MAX: variants seen among roughly 807,000 people sequenced by gnomAD.
The protein encoded by MAX is protein max.
A neutral mutation model predicts 22.3 loss-of-function variants in MAX; 3 were observed. The observed-to-expected ratio is 0.13, with a 90% confidence interval of 0.06 to 0.35. MAX has a LOEUF of 0.35. Ranked by LOEUF, MAX falls within the 10% of genes least tolerant of loss-of-function variation. The probability of loss-of-function intolerance (pLI) is 1.00; values close to 1 mark genes in which losing one functional copy is unlikely to be tolerated. For synonymous variants in MAX, 72 were observed against 77.7 expected (o/e 0.93, Z 0.39); for missense variants, 119 against 209.4 (o/e 0.57, Z 2.66).
At chr14:65,066,307 TG>T (rs1002220970) in intron 3 of MAX, among the ~76,000 whole-genome samples, 7 of 152,208 alleles carry the variant, frequency 4.6e-5, no homozygotes, top group African/African-American at 1.7e-4. Context: ...TTCTCCAACC[TG>T]GCCCAGGCAC....
rs374598927 is a variant in MAX at position 65,032,625 on chromosome 14, T to A, written c.172-26341A>T. On this transcript the variant is annotated intron_variant, in intron 3 of 3. Coordinates refer to the MAX transcript ENST00000341653. This position sits in a 1 kb window ranked among gnomAD's most constrained non-coding sequence, Gnocchi z 5.0. ...GTCTTTCCAGAAGCGCATACTGTGC[T>A]GCCTCCGTAGCCTCGCTGACCAACA... The A allele has an allele frequency of 1.2e-6, 2 of 1,613,856 alleles. No homozygotes were observed. Among genetic ancestry groups the A allele is most frequent in the African/African-American group, 1.3e-5 (1 of 74,932 alleles).
chr14:65,027,887 C>A lies in MAX; in HGVS notation c.172-21603G>T. Reference sequence around the variant, plus strand: ...ATCATGGGGAAGCTGCTGCTTTGTCCCAGAATGACACATGGGATGACATGT... The same window carrying A: ...ATCATGGGGAAGCTGCTGCTTTGTCACAGAATGACACATGGGATGACATGT... On this transcript the variant is annotated intron_variant, in intron 3 of 3. Coordinates refer to the MAX transcript ENST00000341653. This position sits in a 1 kb window ranked among gnomAD's most constrained non-coding sequence, Gnocchi z 5.7. The A allele has an allele frequency of 7.0e-7, 1 of 1,433,064 alleles. No homozygotes were observed. The highest frequency in any genetic ancestry group is 9.6e-7 in the Non-Finnish European group (1 of 1,038,974). The allele number at this position is 1,433,064 out of a possible 1,614,324, so 88.8% of individuals were successfully genotyped here.
intron 3 of MAX, among the ~76,000 whole-genome samples, chr14:65,033,633 G>A (rs1292219670): frequency 2.0e-5 from 3 of 152,188 alleles, no homozygotes; most frequent in African/African-American, 4.8e-5. Flanking sequence ...CAGGGCAAGC[G>A]GATCATGAGG....
rs957704929 is a variant in MAX, at chr14:65,078,503, G to A, written c.172-467C>T. Reference sequence around the variant, plus strand: ...ATAGGTCACAGGTGTGAGCCACTGCGCCCAGCCTGTTGTTGTTGTTGTTGT... The same window carrying A: ...ATAGGTCACAGGTGTGAGCCACTGCACCCAGCCTGTTGTTGTTGTTGTTGT... On this transcript the variant is annotated intron_variant, in intron 3 of 4. Coordinates refer to ENST00000358664, the MANE Select transcript of MAX (RefSeq NM_002382.5). The surrounding 1 kb of genome is among the most constrained non-coding windows in gnomAD (Gnocchi z 6.4). Among the ~76,000 whole-genome samples, 1 of 150,164 alleles carries A rather than the reference G, an allele frequency of 6.7e-6. No individual in the cohort carries two copies. The highest frequency in any genetic ancestry group is 2.5e-5 in the African/African-American group (1 of 40,782).
intron 3 of MAX, among the ~76,000 whole-genome samples, chr14:65,026,192 G>T (rs2061977510): frequency 6.6e-6 from 1 of 152,188 alleles, no homozygotes; most frequent in African/African-American, 2.4e-5. Context: ...TCTCCTGGCG[G>T]GAAGGCTGTG....
intron 3 of MAX, among the ~76,000 whole-genome samples, chr14:65,049,053 G>A (rs1167934903): frequency 1.3e-5 from 2 of 151,868 alleles, no homozygotes; most frequent in South Asian, 2.1e-4. Context: ...CTTGAACCCC[G>A]GAGGCGGAGG....
In MAX at chr14:65,065,436, G is replaced by A. The variant is rs1018983919; in HGVS notation, c.171+28272C>T. 2.6e-5 allele frequency among the ~76,000 whole-genome samples: 4 copies of A among 152,136 alleles called. No homozygotes were observed. In the South Asian group the frequency reaches 6.2e-4, roughly 24 times the overall value. ...AGAAAAGCAGTCAGGTGATCTCGTC[G>A]TTGTGTGAACATCATGGAGTGCACT... On this transcript the variant is annotated intron_variant, in intron 3 of 3. Transcript: ENST00000341653.
intron 3 of MAX, among the ~76,000 whole-genome samples, chr14:65,045,427 C>T (rs1404329896): frequency 6.8e-6 from 1 of 146,822 alleles, no homozygotes; most frequent in African/African-American, 2.5e-5. Flanking sequence ...CCCTCCCCGC[C>T]GCCCCCGAGA....
chr14:65,051,947 A>G (rs2062624329), intron 3 of MAX, among the ~76,000 whole-genome samples: 1 of 151,568 alleles, frequency 6.6e-6, no homozygotes, highest in South Asian at 2.1e-4. Flanking sequence ...GGCGCCCACC[A>G]CCATGTCCGG....
intron 3 of MAX, among the ~76,000 whole-genome samples, chr14:65,085,169 G>C (rs1317461308): frequency 6.6e-6 from 1 of 151,962 alleles, no homozygotes; most frequent in East Asian, 1.9e-4. Context: ...TTGAATATTA[G>C]GCTAAATAAA....
rs1343980305 is a variant in MAX at position 65,077,904 on chromosome 14, G to A, written c.295+9C>T. On this transcript the variant is annotated intron_variant, in intron 4 of 4. Transcript: ENST00000358664. The surrounding 1 kb of genome is among the most constrained non-coding windows in gnomAD (Gnocchi z 6.3). ...CAGGGCCAGCTGCCCCACGAGCTCG[G>A]GTGCTCACCTTGCTGCTCCAGAAGA... 4 of 1,614,102 alleles carry A rather than the reference G, an allele frequency of 2.5e-6. No individual in the cohort carries two copies. In the African/African-American group the frequency reaches 5.3e-5, roughly 22 times the overall value.
rs1185306377 is a variant in MAX, at chr14:65,076,100, G to T, written c.*376C>A. On this transcript the variant is annotated 3_prime_UTR_variant, in exon 5 of 5. Coordinates refer to ENST00000358664, the MANE Select transcript of MAX (RefSeq NM_002382.5). The surrounding 1 kb of genome is among the most constrained non-coding windows in gnomAD (Gnocchi z 6.6). ...CCAGGAGGCCACCTGGGCAGGGCAG[G>T]CGTCCCCCGGGCATGTGCCCGGCAG... 5.5e-6 allele frequency: 7 copies of T among 1,269,052 alleles called. No individual in the cohort carries two copies. The East Asian group carries it at 2.1e-4, about 38-fold the overall frequency. The allele number at this position is 1,269,052 out of a possible 1,614,324, so 78.6% of individuals were successfully genotyped here.
At position 65,085,266 on chromosome 14, in the gene MAX, A is replaced by T. The variant is rs140192668; in HGVS notation, c.172-7230T>A. Among the ~76,000 whole-genome samples, 107 of 152,332 alleles carry T rather than the reference A, an allele frequency of 7.0e-4. 1 individual carries two copies. Among genetic ancestry groups the T allele is most frequent in the African/African-American group, 2.5e-3 (105 of 41,574 alleles). On this transcript the variant is annotated intron_variant, in intron 3 of 4. Transcript: ENST00000358664. ...GTATTTAAGTTATATTTAAAATGCA[A>T]TTGTGACTCATGCTAAATTTCTGTT...
At position 65,044,479 on chromosome 14, in the gene MAX, A is replaced by G. The variant is rs555462654; in HGVS notation, c.172-38195T>C. 1.3e-6 allele frequency: 2 copies of G among 1,577,502 alleles called. No homozygotes were observed. The highest frequency in any genetic ancestry group is 1.4e-5 in the African/African-American group (1 of 72,920). Reference sequence around the variant, plus strand: ...GGAGCTGTTCACTTGGGGCTGGATGATTTCCCTCCACTACTCACAAAGTCT... The same window carrying G: ...GGAGCTGTTCACTTGGGGCTGGATGGTTTCCCTCCACTACTCACAAAGTCT... On this transcript the variant is annotated intron_variant, in intron 3 of 3. Coordinates refer to the MAX transcript ENST00000341653. This position sits in a 1 kb window ranked among gnomAD's most constrained non-coding sequence, Gnocchi z 5.5.
chr14:65,058,821 C>T (rs1226759216), intron 3 of MAX, among the ~76,000 whole-genome samples: 1 of 152,072 alleles, frequency 6.6e-6, no homozygotes, highest in Non-Finnish European at 1.5e-5. Context: ...GTGTCTGTGT[C>T]TGTGTGTTTT....
intron 3 of MAX, chr14:65,091,841 A>C (rs1013518376): frequency 2.0e-5 from 3 of 152,180 alleles, no homozygotes; most frequent in Admixed American, 2.0e-4. Context: ...TCATTTCCTC[A>C]TCAGAGCAAG....
At chr14:65,071,924 T>A (rs1388207408), downstream of MAX, among the ~76,000 whole-genome samples, 1 of 152,246 alleles carries the variant, frequency 6.6e-6, no homozygotes, top group Non-Finnish European at 1.5e-5. This position sits in a 1 kb window ranked among gnomAD's most constrained non-coding sequence, Gnocchi z 4.2. Flanking sequence ...CTGAGGAAGT[T>A]AACTAGAAAC....
Position 65,075,255 on chromosome 14 carries a change from A to T in MAX, c.*1221T>A, listed in dbSNP as rs1206266826. 2.8e-6 allele frequency: 3 copies of T among 1,059,660 alleles called. No individual in the cohort carries two copies. Among genetic ancestry groups the T allele is most frequent in the Non-Finnish European group, 2.3e-6 (2 of 875,584 alleles). The allele number at this position is 1,059,660 out of a possible 1,614,324, so 65.6% of individuals were successfully genotyped here. A position where few individuals can be genotyped will look rare whatever the true frequency, so the allele number is the denominator to read the frequency against. On this transcript the variant is annotated 3_prime_UTR_variant, in exon 5 of 5. Coordinates refer to ENST00000358664, the MANE Select transcript of MAX (RefSeq NM_002382.5). This position sits in a 1 kb window ranked among gnomAD's most constrained non-coding sequence, Gnocchi z 4.1. ...GGAATGGAATCAAACACGAACTGAG[A>T]CTACAGAGTATACACTAGAAATCAG...
rs144202465 is a variant in MAX at position 65,065,441 on chromosome 14, G to A, written c.171+28267C>T. On this transcript the variant is annotated intron_variant, in intron 3 of 3. Transcript: ENST00000341653. ...AGCAGTCAGGTGATCTCGTCGTTGT[G>A]TGAACATCATGGAGTGCACTTACAC... Among the ~76,000 whole-genome samples the A allele has an allele frequency of 4.3e-4, 65 of 152,296 alleles. 1 individual carries two copies. The highest frequency in any genetic ancestry group is 7.9e-4 in the Non-Finnish European group (54 of 68,026).
Sources: allele counts gnomAD v4.1 joint callset (sites outside exome capture counted in the v4.1 genomes callset), GRCh38; gene constraint gnomAD v4.1.1; non-coding constraint Gnocchi (gnomAD v3.1); transcripts MANE v1.5; gene names NCBI Gene and HGNC (gene_info 2026-07-23, HGNC 2026-07-21).